The following TENM4 variants were observed in gnomAD, a reference collection of about 807,000 sequenced individuals.
TENM4 encodes teneurin-4.
TENM4 carries 82 observed loss-of-function variants against 243.3 expected under a neutral mutation model. That is an observed-to-expected ratio of 0.34 (90% CI 0.28 to 0.40). The LOEUF is 0.40. Among genes scored for constraint, TENM4 ranks in the 10% least tolerant of loss-of-function variants. The pLI is 1.00. For missense variants in TENM4, 3,138 were observed against 3,673.3 expected, an observed-to-expected ratio of 0.85 and a Z score of 3.77; for synonymous variants, 1,412 against 1,456.3, an observed-to-expected ratio of 0.97 and a Z score of 0.69.
chr11:79,107,695 A>C (rs535100984), intron 4 of TENM4, among the ~76,000 whole-genome samples: 1 of 152,360 alleles, frequency 6.6e-6, no homozygotes, highest in East Asian at 1.9e-4. Context: ...GAGTAAGATC[A>C]TAGTCACTTC....
chr11:79,159,082 G>A (rs184178423), intron 3 of TENM4, among the ~76,000 whole-genome samples: 9 of 152,180 alleles, frequency 5.9e-5, no homozygotes, highest in Non-Finnish European at 1.3e-4. Flanking sequence ...CCTCTGTACT[G>A]TTCCTCTTCT....
At chr11:79,118,468 C>T (rs771666720) in intron 4 of TENM4, among the ~76,000 whole-genome samples, 2 of 152,182 alleles carry the variant, frequency 1.3e-5, no homozygotes, top group Non-Finnish European at 2.9e-5. Context: ...TACATTCACA[C>T]TACTGTGCTG....
chr11:79,060,221 C>T (rs933380846), intron 6 of TENM4, among the ~76,000 whole-genome samples: 10 of 152,244 alleles, frequency 6.6e-5, no homozygotes, highest in East Asian at 1.9e-4. Context: ...TGGCCTCTCA[C>T]GGCAGGGGAG....
At chr11:79,292,078 C>T (rs1015587444) in intron 2 of TENM4, among the ~76,000 whole-genome samples, 2 of 152,176 alleles carry the variant, frequency 1.3e-5, no homozygotes, top group African/African-American at 2.4e-5. Context: ...CATGTTGCTG[C>T]TACCTTCTGG....
chr11:79,150,459 C>T (rs559377093), intron 3 of TENM4, among the ~76,000 whole-genome samples: 1 of 152,252 alleles, frequency 6.6e-6, no homozygotes, highest in East Asian at 1.9e-4. Flanking sequence ...ATGACCTTGT[C>T]CCCTGTCCTG....
chr11:78,779,256 C>T (rs573347023), intron 16 of TENM4, among the ~76,000 whole-genome samples: 1 of 152,294 alleles, frequency 6.6e-6, no homozygotes, highest in East Asian at 1.9e-4. Context: ...AAATGCTTAG[C>T]GTTCTAAGTA....
chr11:78,866,451 C>A (rs1858977558), intron 9 of TENM4, among the ~76,000 whole-genome samples: 1 of 126,504 alleles, frequency 7.9e-6, no homozygotes, highest in African/African-American at 3.6e-5. Context: ...GCAAATAAGT[C>A]CTTGCTTAAA....
intron 4 of TENM4, among the ~76,000 whole-genome samples, chr11:79,128,111 G>T (rs1390194510): frequency 6.6e-6 from 1 of 152,234 alleles, no homozygotes; most frequent in South Asian, 2.1e-4. Flanking sequence ...AGATCCAATG[G>T]TGCTTGAGGT....
chr11:78,763,014 A>G (rs1317982835), intron 18 of TENM4, among the ~76,000 whole-genome samples: 2 of 152,226 alleles, frequency 1.3e-5, no homozygotes, highest in East Asian at 1.9e-4. Context: ...AATACTTCAT[A>G]TCTCACTTAA....
intron 2 of TENM4, among the ~76,000 whole-genome samples, chr11:79,221,764 A>T (rs1864160922): frequency 6.6e-6 from 1 of 152,196 alleles, no homozygotes; most frequent in African/African-American, 2.4e-5. Context: ...AGATGGTTTT[A>T]TGTAATCTTC....
At chr11:79,005,503 A>G (rs891846457) in intron 6 of TENM4, among the ~76,000 whole-genome samples, 3 of 152,198 alleles carry the variant, frequency 2.0e-5, no homozygotes, top group African/African-American at 7.2e-5. Context: ...AACAAAAACC[A>G]CATGATCATC....
intron 2 of TENM4, among the ~76,000 whole-genome samples, chr11:79,223,911 G>C (rs1864209902): frequency 6.6e-6 from 1 of 152,170 alleles, no homozygotes; most frequent in Non-Finnish European, 1.5e-5. Flanking sequence ...GGTACACTGT[G>C]AGAATGTCCA....
intron 6 of TENM4, among the ~76,000 whole-genome samples, chr11:79,026,332 G>T (rs894585840): frequency 1.3e-5 from 2 of 152,198 alleles, no homozygotes; most frequent in African/African-American, 4.8e-5. Flanking sequence ...AAAAGCAAAC[G>T]TGTGCAGATG....
chr11:78,865,728 G>A (rs540862210), intron 9 of TENM4, among the ~76,000 whole-genome samples: 26 of 152,140 alleles, frequency 1.7e-4, no homozygotes, highest in Non-Finnish European at 1.2e-4. Context: ...AGGAGGCCAC[G>A]CTCGGGTGAA....
chr11:78,887,262 G>C (rs1272572415), intron 9 of TENM4, among the ~76,000 whole-genome samples: 1 of 152,172 alleles, frequency 6.6e-6, no homozygotes. Context: ...CCCTTGCTTT[G>C]AAATACCCTT....
At chr11:79,427,332 C>T (rs1263425875) in intron 1 of TENM4, among the ~76,000 whole-genome samples, 1 of 152,098 alleles carries the variant, frequency 6.6e-6, no homozygotes, top group Admixed American at 6.5e-5. Flanking sequence ...TTGATCTCAG[C>T]ATTATTTATG....
intron 9 of TENM4, among the ~76,000 whole-genome samples, chr11:78,877,138 T>C (rs574484586): frequency 5.0e-4 from 76 of 152,368 alleles, no homozygotes; most frequent in Non-Finnish European, 4.9e-4. Context: ...ATCATATTGC[T>C]GTCTTTAGAA....
intron 12 of TENM4, among the ~76,000 whole-genome samples, chr11:78,833,604 C>T: frequency 6.6e-6 from 1 of 152,198 alleles, no homozygotes; most frequent in East Asian, 1.9e-4. Flanking sequence ...AGGTTGTTTT[C>T]CAGGCCTGCT....
chr11:79,275,212 G>T (rs191239730), intron 2 of TENM4, among the ~76,000 whole-genome samples: 13 of 149,362 alleles, frequency 8.7e-5, no homozygotes, highest in African/African-American at 3.3e-4. Context: ...AAGGTGCTGG[G>T]TATGTGTGAG....
Sources: gnomAD v4.1 joint callset for allele counts (sites outside exome capture counted in the v4.1 genomes callset) on GRCh38, gnomAD v4.1.1 for gene constraint, MANE v1.5 for transcripts, NCBI Gene and HGNC (gene_info 2026-07-23, HGNC 2026-07-21) for gene names.